The following PLPP3 variants were observed in gnomAD, a reference collection of about 807,000 sequenced individuals.
PLPP3 encodes PAP2 beta.
Under a neutral mutation model 29.6 loss-of-function variants are expected in PLPP3, and 6 were observed. The ratio of observed to expected loss-of-function variants is 0.20; its 90% CI spans 0.11 to 0.40. The LOEUF (loss-of-function observed/expected upper bound fraction) is 0.40. Ranked by LOEUF, PLPP3 falls within the 10% of genes least tolerant of loss-of-function variation. The pLI is 1.00. For missense variants in PLPP3, 308 were observed against 407.7 expected (o/e 0.76, Z 2.11); for synonymous variants, 152 against 159.7 (o/e 0.95, Z 0.36).
chr1:56,501,926 T>G (rs1645670876), intron 5 of PLPP3, among the ~76,000 whole-genome samples: 1 of 152,224 alleles, frequency 6.6e-6, no homozygotes, highest in Non-Finnish European at 1.5e-5. Flanking sequence ...TTCTTACAAT[T>G]TCTAGAGCTA....
chr1:56,509,517 G>A (rs1348959985), intron 5 of PLPP3, among the ~76,000 whole-genome samples: 1 of 152,150 alleles, frequency 6.6e-6, no homozygotes, highest in Non-Finnish European at 1.5e-5. Flanking sequence ...TAAAATGGCT[G>A]TAGTACAATG....
intron 1 of PLPP3, among the ~76,000 whole-genome samples, chr1:56,546,395 A>T (rs527718746): frequency 6.6e-6 from 1 of 152,010 alleles, no homozygotes; most frequent in Non-Finnish European, 1.5e-5. Flanking sequence ...TTGGTTAATG[A>T]CTCTTGGGTA....
intron 1 of PLPP3, among the ~76,000 whole-genome samples, chr1:56,555,266 CG>C (rs201860826): frequency 6.9e-6 from 1 of 145,590 alleles, no homozygotes. Flanking sequence ...GTGACTTCCC[CG>C]GGGACTTTTA....
chr1:56,566,723 T>C (rs1375746909), intron 1 of PLPP3, among the ~76,000 whole-genome samples: 1 of 152,260 alleles, frequency 6.6e-6, no homozygotes, highest in Non-Finnish European at 1.5e-5. Context: ...GGATCCCTTT[T>C]CCTCACCCTT....
At chr1:56,516,323 G>A (rs1316726711) in intron 4 of PLPP3, among the ~76,000 whole-genome samples, 3 of 152,154 alleles carry the variant, frequency 2.0e-5, no homozygotes, top group Non-Finnish European at 4.4e-5. Context: ...GGAGCCTGGG[G>A]ACAAGTAACT....
intron 5 of PLPP3, among the ~76,000 whole-genome samples, chr1:56,505,350 T>C (rs1364711193): frequency 6.6e-6 from 1 of 152,224 alleles, no homozygotes; most frequent in East Asian, 1.9e-4. Context: ...ACCTAGCAAG[T>C]GGCAGGAATA....
intron 4 of PLPP3, among the ~76,000 whole-genome samples, chr1:56,516,738 T>G (rs1645783669): frequency 6.6e-6 from 1 of 151,228 alleles, no homozygotes; most frequent in Admixed American, 6.6e-5. Context: ...GTATATAATC[T>G]TAAAGGCCTT....
At chr1:56,558,126 T>A (rs1294049135) in intron 1 of PLPP3, among the ~76,000 whole-genome samples, 1 of 152,188 alleles carries the variant, frequency 6.6e-6, no homozygotes, top group East Asian at 1.9e-4. Context: ...GGAGTATTAT[T>A]TTAAGAGTTG....
rs777211445 is a variant in PLPP3, at chr1:56,512,161, A to G, written c.634-9T>C. On this transcript the variant is annotated splice_polypyrimidine_tract_variant and intron_variant, in intron 4 of 5. Transcript: ENST00000371250. The stretch of plus-strand genomic sequence containing the variant: ...CGGGCCTGCAGGTATAGCTGGAGAA[A>G]GGAGACAAAAAGGAACAGACATTAA... 1 of 1,577,636 alleles carries G rather than the reference A, an allele frequency of 6.3e-7. No individual in the cohort carries two copies. Among genetic ancestry groups the G allele is most frequent in the East Asian group, 2.3e-5 (1 of 44,358 alleles).
intron 1 of PLPP3, among the ~76,000 whole-genome samples, chr1:56,541,614 T>A (rs1045720461): frequency 3.3e-5 from 5 of 152,174 alleles, no homozygotes; most frequent in African/African-American, 1.2e-4. Context: ...TTCAAAGAGA[T>A]TAAAGTGACT....
chr1:56,519,894 A>G (rs903238196), intron 4 of PLPP3, among the ~76,000 whole-genome samples: 3 of 152,124 alleles, frequency 2.0e-5, no homozygotes, highest in Non-Finnish European at 4.4e-5. Flanking sequence ...CCTAACATGA[A>G]GTGCCCTTAA....
At chr1:56,546,478 T>C (rs1646007235) in intron 1 of PLPP3, among the ~76,000 whole-genome samples, 1 of 152,184 alleles carries the variant, frequency 6.6e-6, no homozygotes, top group Admixed American at 6.5e-5. Context: ...ATTAGACATG[T>C]ATATATATGT....
chr1:56,504,394 G>A (rs1569863168), intron 5 of PLPP3, among the ~76,000 whole-genome samples: 1 of 152,170 alleles, frequency 6.6e-6, no homozygotes, highest in East Asian at 1.9e-4. Context: ...TAGGGAGGGT[G>A]TCTGGTAAGG....
rs540330480 is a variant in PLPP3, at chr1:56,503,274, C to T, written c.811-6598G>A. On this transcript the variant is annotated intron_variant, in intron 5 of 5. Coordinates refer to ENST00000371250, the MANE Select transcript of PLPP3 (RefSeq NM_003713.5). ...TGGAAATCAGACAGCAGAATATAGT[C>T]CCAAAATTTCTACTGGTGTGTGATC... 3.3e-4 allele frequency among the ~76,000 whole-genome samples: 51 copies of T among 152,242 alleles called. No homozygotes were observed. In the Middle Eastern group the frequency reaches 0.01, roughly 30 times the overall value.
In PLPP3 at chr1:56,526,343, C is replaced by T. The variant is rs75413353; in HGVS notation, c.298-1789G>A. 2.1e-3 allele frequency among the ~76,000 whole-genome samples: 324 copies of T among 152,288 alleles called. 9 individuals carry two copies. The East Asian group carries it at 0.048, about 23-fold the overall frequency. The stretch of plus-strand genomic sequence containing the variant: ...TTAAACTCCAGGAAGCATGGCAAGT[C>T]ATTAATGAAAGGGACCATTATATTT... On this transcript the variant is annotated intron_variant, in intron 2 of 5. Transcript: ENST00000371250.
chr1:56,510,496 C>T (rs1234845466), intron 5 of PLPP3, among the ~76,000 whole-genome samples: 1 of 152,250 alleles, frequency 6.6e-6, no homozygotes, highest in East Asian at 1.9e-4. Flanking sequence ...CTGATTGCTG[C>T]AACTCCTTCT....
rs898998234 is a variant in PLPP3 at position 56,557,028 on chromosome 1, G to A, written c.140-19916C>T. Among the ~76,000 whole-genome samples the A allele has an allele frequency of 1.6e-3, 19 of 11,730 alleles. 7 individuals are homozygous for A. Among genetic ancestry groups the A allele is most frequent in the Non-Finnish European group, 3.0e-3 (12 of 4,050 alleles). 7.7% of individuals were successfully genotyped at this position (11,730 alleles called of 152,430 possible). A position where few individuals can be genotyped will look rare whatever the true frequency, so the allele number is the denominator to read the frequency against. On this transcript the variant is annotated intron_variant, in intron 1 of 5. Transcript: ENST00000371250. The stretch of plus-strand genomic sequence containing the variant: ...AAAGAAAGAGAGAGAGAGAGAGAAA[G>A]AGAGAGAGAGAGAGAGAGAGAGAGA...
rs1011013039 is a variant in PLPP3 at position 56,579,364 on chromosome 1, A to G, written c.-348T>C. On this transcript the variant is annotated 5_prime_UTR_variant, in exon 1 of 6. Transcript: ENST00000371250. ...TGAGTGCGCGAGCGAGCGAGTGGGC[A>G]GCGCGGGCGCTCGGCCACCTTCCTC... The G allele has an allele frequency of 3.6e-6, 1 of 276,328 alleles. No individual in the cohort carries two copies. Among genetic ancestry groups the G allele is most frequent in the Non-Finnish European group, 6.8e-6 (1 of 146,588 alleles). 17.1% of individuals were successfully genotyped at this position (276,328 alleles called of 1,614,324 possible).
intron 2 of PLPP3, among the ~76,000 whole-genome samples, chr1:56,533,208 C>A (rs1419787992): frequency 6.6e-6 from 1 of 152,126 alleles, no homozygotes; most frequent in Non-Finnish European, 1.5e-5. Context: ...GCACATGCCA[C>A]CAAGCCCAGC....
Sources: gnomAD v4.1 joint callset for allele counts (sites outside exome capture counted in the v4.1 genomes callset) on GRCh38, gnomAD v4.1.1 for gene constraint, MANE v1.5 for transcripts, NCBI Gene and HGNC (gene_info 2026-07-23, HGNC 2026-07-21) for gene names.